AHDC1: variants seen among roughly 807,000 people sequenced by gnomAD.
AHDC1 encodes the protein transcription factor Gibbin.
A neutral mutation model predicts 87.9 loss-of-function variants in AHDC1; 7 were observed. That is an observed-to-expected ratio of 0.08 (90% CI 0.05 to 0.15). AHDC1 has a LOEUF of 0.15. Ranked by LOEUF, AHDC1 falls within the 10% of genes least tolerant of loss-of-function variation. AHDC1 has a pLI of 1.00. For missense variants in AHDC1, 1,841 were observed against 2,253.2 expected, an observed-to-expected ratio of 0.82 and a Z score of 3.70; for synonymous variants, 1,051 against 1,006.8, an observed-to-expected ratio of 1.04 and a Z score of -0.83.
At chr1:27,536,867 C>A (rs1343484197) in intron 8 of AHDC1, among the ~76,000 whole-genome samples, 1 of 151,790 alleles carries the variant, frequency 6.6e-6, no homozygotes, top group East Asian at 1.9e-4. Context: ...CCCACCCCCA[C>A]CCCAGGCCCT....
At chr1:27,580,349 T>C (rs1281228297) in intron 3 of AHDC1, among the ~76,000 whole-genome samples, 2 of 152,106 alleles carry the variant, frequency 1.3e-5, no homozygotes, top group East Asian at 3.8e-4. Context: ...CTAAATGAAA[T>C]CCGCATCTCC....
intron 8 of AHDC1, among the ~76,000 whole-genome samples, chr1:27,535,312 AAAG>A (rs759200739): frequency 1.3e-5 from 2 of 152,318 alleles, no homozygotes; most frequent in South Asian, 4.1e-4. Context: ...CCATCTGTAA[AAAG>A]AAGATAACTG....
chr1:27,542,856 A>G (rs1018919679), intron 8 of AHDC1, among the ~76,000 whole-genome samples: 1 of 152,188 alleles, frequency 6.6e-6, no homozygotes, highest in African/African-American at 2.4e-5. Flanking sequence ...TGGCCTAAAC[A>G]TGGCTGCAGG....
At chr1:27,575,200 ACCTGGCAGGCTAAGCTGCCCACTGATC>A (rs1337007603) in intron 3 of AHDC1, among the ~76,000 whole-genome samples, 1 of 152,120 alleles carries the variant, frequency 6.6e-6, no homozygotes, top group Non-Finnish European at 1.5e-5. Context: ...CTCTGGGGCT[ACCTGGCAGGCTAAGCTGCCCACTGATC>A]CCTGCCACCT....
intron 3 of AHDC1, among the ~76,000 whole-genome samples, chr1:27,602,993 C>A (rs1250907441): frequency 7.1e-6 from 1 of 141,712 alleles, no homozygotes; most frequent in South Asian, 2.6e-4. Context: ...CATTCCCCCC[C>A]CCCCCACATT....
Position 27,549,758 on chromosome 1 carries a change from T to C in AHDC1, c.2358A>G (p.Gln786=). Residue 786 remains glutamine (Q), a synonymous_variant, in exon 8 of 9, where the codon CAA becomes CAG. Transcript: ENST00000673934. The part of the protein sequence containing the change: ...WAPHHGHPGG[Q]AGRNCGFQGT... ...CCTGAAACCCACAGTTTCGGCCAGC[T>C]TGTCCGCCTGGGTGCCCATGGTGAG... 1 of 1,613,130 alleles carries C rather than the reference T, an allele frequency of 6.2e-7. No individual in the cohort carries two copies. Among genetic ancestry groups the C allele is most frequent in the Non-Finnish European group, 8.5e-7 (1 of 1,179,926 alleles).
chr1:27,578,431 A>G (rs1389612701), intron 3 of AHDC1, among the ~76,000 whole-genome samples: 1 of 151,912 alleles, frequency 6.6e-6, no homozygotes, highest in Non-Finnish European at 1.5e-5. Context: ...TCTACAAAAA[A>G]TACAAAAATT....
chr1:27,572,708 A>G (rs2148403461), intron 3 of AHDC1, among the ~76,000 whole-genome samples: 1 of 152,366 alleles, frequency 6.6e-6, no homozygotes, highest in African/African-American at 2.4e-5. Flanking sequence ...CCGCTTCCCC[A>G]GGAGGCTGGA....
chr1:27,547,851 C>A lies in AHDC1; in HGVS notation c.4265G>T (p.Cys1422Phe). ...CTGGAGTCCATGCTTGAGGGGCTCG[C>A]AGGCAGCCAGCTTTGTGGGCGGTGG... Reference protein sequence around the residue: ...LRPPPTKLAACEPLKHGLQGA... With the variant: ...LRPPPTKLAAFEPLKHGLQGA... The change falls in exon 8 of 9, where the codon TGC becomes TTC. Residue 1422 changes from cysteine (C) to phenylalanine (F), a missense_variant. By Grantham distance (205) the Cys-to-Phe change is radical (BLOSUM62 -2). This residue lies in a region of AHDC1 where 505 missense variants were observed against 626.2 expected (regional missense o/e 0.81). Transcript: ENST00000673934. The surrounding 1 kb of genome is among the most constrained non-coding windows in gnomAD (Gnocchi z 4.9). 1 of 1,548,218 alleles carries A rather than the reference C, an allele frequency of 6.5e-7. No individual in the cohort carries two copies. Among genetic ancestry groups the A allele is most frequent in the African/African-American group, 1.4e-5 (1 of 73,452 alleles).
chr1:27,598,599 A>G lies in AHDC1; in HGVS notation c.-629+4798T>C, dbSNP rs140120464. On this transcript the variant is annotated intron_variant, in intron 3 of 8. Transcript: ENST00000673934. The surrounding 1 kb of genome is among the most constrained non-coding windows in gnomAD (Gnocchi z 4.2). ...TCCTGCTCTGGTCCCAGTTCCAGGC[A>G]TGAGGGGTTGTTCTTGCCAACTGCA... 1.6e-3 allele frequency among the ~76,000 whole-genome samples: 238 copies of G among 152,228 alleles called. No homozygotes were observed. Among genetic ancestry groups the G allele is most frequent in the African/African-American group, 5.4e-3 (226 of 41,536 alleles).
chr1:27,543,296 A>G (rs946199031), intron 8 of AHDC1, among the ~76,000 whole-genome samples: 1 of 152,176 alleles, frequency 6.6e-6, no homozygotes. Flanking sequence ...TCTTTAGCCC[A>G]CAGGGCCCAA....
At chr1:27,536,989 T>C (rs1159341260) in intron 8 of AHDC1, among the ~76,000 whole-genome samples, 3 of 152,024 alleles carry the variant, frequency 2.0e-5, no homozygotes, top group African/African-American at 7.2e-5. Flanking sequence ...AGCAGGAGGC[T>C]TTCTCACCCT....
At chr1:27,541,001 T>TAAAAAAAAAAAAGA (rs2018880801) in intron 8 of AHDC1, among the ~76,000 whole-genome samples, 1 of 72,368 alleles carries the variant, frequency 1.4e-5, no homozygotes, top group Admixed American at 1.9e-4. Flanking sequence ...CTAAAAATGC[T>TAAAAAAAAAAAAGA]AAAAAAAAAA....
At chr1:27,536,590 C>T (rs1261977218) in intron 8 of AHDC1, among the ~76,000 whole-genome samples, 4 of 152,096 alleles carry the variant, frequency 2.6e-5, no homozygotes, top group South Asian at 4.1e-4. Flanking sequence ...AGAGGGGTGT[C>T]TATTAGGGAG....
intron 8 of AHDC1, among the ~76,000 whole-genome samples, chr1:27,543,573 A>G (rs182169347): frequency 2.0e-5 from 3 of 152,286 alleles, no homozygotes; most frequent in Admixed American, 6.5e-5. Context: ...AACCTTGCCT[A>G]TTCTTGAAGG....
At chr1:27,539,071 C>T (rs1452105622) in intron 8 of AHDC1, among the ~76,000 whole-genome samples, 1 of 152,002 alleles carries the variant, frequency 6.6e-6, no homozygotes, top group African/African-American at 2.4e-5. Context: ...ATCGATGAGG[C>T]TCCCAATCAG....
intron 3 of AHDC1, among the ~76,000 whole-genome samples, chr1:27,578,080 A>C (rs1457104062): frequency 6.6e-6 from 1 of 152,220 alleles, no homozygotes; most frequent in Non-Finnish European, 1.5e-5. Flanking sequence ...CCCTGGTCCC[A>C]AAGAAAAGCC....
Position 27,565,370 on chromosome 1 carries a change from ACTCCAAG to A in AHDC1, c.-628-6494_-628-6488del, listed in dbSNP as rs2020273115. ...CTACCCCAGGGCCTGTTTGCCCACG[ACTCCAAG>A]CTCATTCCATGAAGAGGGGCGAGAG... On this transcript the variant is annotated intron_variant, in intron 3 of 8. Coordinates refer to ENST00000673934, the MANE Select transcript of AHDC1 (RefSeq NM_001371928.1). This position sits in a 1 kb window ranked among gnomAD's most constrained non-coding sequence, Gnocchi z 4.6. Among the ~76,000 whole-genome samples the A allele has an allele frequency of 6.6e-6, 1 of 151,888 alleles. No individual in the cohort carries two copies. Among genetic ancestry groups the A allele is most frequent in the South Asian group, 2.1e-4 (1 of 4,818 alleles).
In AHDC1 at chr1:27,565,756, G is replaced by C. The variant is rs1050151129; in HGVS notation, c.-628-6873C>G. 2.0e-5 allele frequency among the ~76,000 whole-genome samples: 3 copies of C among 152,206 alleles called. No individual in the cohort carries two copies. The highest frequency in any genetic ancestry group is 7.2e-5 in the African/African-American group (3 of 41,440). ...TAGCAAGGGAAGGGACAAATCCCAA[G>C]AATCAGTGAGGCCTGTTCTCTAGAG... On this transcript the variant is annotated intron_variant, in intron 3 of 8. Transcript: ENST00000673934. This position sits in a 1 kb window ranked among gnomAD's most constrained non-coding sequence, Gnocchi z 4.6.
Sources: gnomAD v4.1 joint callset for allele counts (sites outside exome capture counted in the v4.1 genomes callset) on GRCh38, gnomAD v4.1.1 for gene constraint, gnomAD v4.1.1 regional missense constraint, Gnocchi (gnomAD v3.1) non-coding constraint, MANE v1.5 for transcripts, NCBI Gene and HGNC (gene_info 2026-07-23, HGNC 2026-07-21) for gene names.